Variants in BANK1 observed in about 807,000 individuals in gnomAD.
BANK1 encodes the protein B cell scaffold protein with ankyrin repeats 1, also known as B-cell scaffold protein with ankyrin repeats.
A neutral mutation model predicts 94.5 loss-of-function variants in BANK1; 95 were observed. The observed-to-expected ratio is 1.00, with a 90% CI of 0.85 to 1.19. The LOEUF (loss-of-function observed/expected upper bound fraction) is 1.19, where lower values mean the gene tolerates loss of function less well. Among genes scored for constraint, BANK1 ranks in the 50% most tolerant of loss-of-function variants. The pLI is 0.00. For missense variants in BANK1, 987 were observed against 932.2 expected, an observed-to-expected ratio of 1.06 and a Z score of -0.77; for synonymous variants, 334 against 308.4, an observed-to-expected ratio of 1.08 and a Z score of -0.87.
chr4:101,859,902 A>C (rs558363917), intron 3 of BANK1, among the ~76,000 whole-genome samples: 1 of 152,326 alleles, frequency 6.6e-6, no homozygotes, highest in Admixed American at 6.5e-5. Flanking sequence ...ACTAATCAGG[A>C]GTAGAGAGCA....
intron 4 of BANK1, among the ~76,000 whole-genome samples, chr4:101,863,409 C>G (rs1727955184): frequency 6.6e-6 from 1 of 151,892 alleles, no homozygotes; most frequent in African/African-American, 2.4e-5. Context: ...TAAATGTGAA[C>G]TTTATAAAAT....
At chr4:102,061,772 T>G (rs1197714212) in intron 12 of BANK1, 1 of 152,180 alleles carries the variant, frequency 6.6e-6, no homozygotes, top group Non-Finnish European at 1.5e-5. Context: ...AGGAAGAATT[T>G]AAGGTGCTTC....
intron 4 of BANK1, among the ~76,000 whole-genome samples, chr4:101,867,243 G>A (rs1053374273): frequency 2.0e-5 from 3 of 149,622 alleles, no homozygotes; most frequent in Non-Finnish European, 3.0e-5. Context: ...CAAGAAAATA[G>A]TGGAGTAAAA....
intron 7 of BANK1, among the ~76,000 whole-genome samples, chr4:102,017,167 AT>A (rs1456926108): frequency 6.6e-6 from 1 of 152,216 alleles, no homozygotes; most frequent in Non-Finnish European, 1.5e-5. Context: ...GGGTTCCATC[AT>A]TTTAAACGAA....
chr4:102,026,990 T>C (rs1727128087), intron 9 of BANK1, among the ~76,000 whole-genome samples: 1 of 152,152 alleles, frequency 6.6e-6, no homozygotes, highest in Non-Finnish European at 1.5e-5. Context: ...TCTGATTCAT[T>C]CATTCATTCA....
chr4:101,965,906 A>G (rs1724734255), intron 7 of BANK1, among the ~76,000 whole-genome samples: 1 of 152,088 alleles, frequency 6.6e-6, no homozygotes, highest in Admixed American at 6.6e-5. Context: ...TAGCCTTATG[A>G]TATTCAGGAA....
At chr4:101,870,809 A>T (rs1205745638) in intron 5 of BANK1, among the ~76,000 whole-genome samples, 165 bp downstream of exon 5, 2 of 151,824 alleles carry the variant, frequency 1.3e-5, no homozygotes, top group Non-Finnish European at 2.9e-5. Context: ...CAAAATGCAG[A>T]CAAATTACTT....
In BANK1 at chr4:102,007,571, C is replaced by T. The variant is rs550849050; in HGVS notation, c.1207-13943C>T. 5.4e-4 allele frequency among the ~76,000 whole-genome samples: 82 copies of T among 152,090 alleles called. No individual in the cohort carries two copies. The Middle Eastern group carries it at 0.01, about 19-fold the overall frequency. ...GAGTTTTAACTTTTCTGTCACAAAA[C>T]GTAGACAAATGTAAAAATAATATGT... On this transcript the variant is annotated intron_variant, in intron 7 of 16. Transcript: ENST00000322953.
chr4:101,872,330 T>C (rs1205439866), intron 5 of BANK1, among the ~76,000 whole-genome samples: 1 of 152,062 alleles, frequency 6.6e-6, no homozygotes, highest in Admixed American at 6.6e-5. Context: ...CCTAGAAGTA[T>C]TGTGGGATTA....
chr4:101,919,162 G>A (rs1273405051), intron 7 of BANK1, among the ~76,000 whole-genome samples: 1 of 151,922 alleles, frequency 6.6e-6, no homozygotes, highest in Non-Finnish European at 1.5e-5. Context: ...AAGTCAGTAA[G>A]TCAATTCAGC....
chr4:102,074,370 T>A lies in BANK1; in HGVS notation c.*371T>A, dbSNP rs1222001874. 6.6e-6 allele frequency: 1 copy of A among 152,062 alleles called. No homozygotes were observed. The highest frequency in any genetic ancestry group is 1.5e-5 in the Non-Finnish European group (1 of 67,902). 9.4% of individuals were successfully genotyped at this position (152,062 alleles called of 1,614,324 possible). On this transcript the variant is annotated 3_prime_UTR_variant, in exon 17 of 17. Transcript: ENST00000322953. ...CTTGAGGGCACTAACCTCAACAGAT[T>A]ATTCCTCCTCTCCTTAGAATAACCA...
intron 7 of BANK1, among the ~76,000 whole-genome samples, chr4:101,966,653 C>G (rs1326144236): frequency 1.3e-5 from 2 of 152,026 alleles, no homozygotes; most frequent in Non-Finnish European, 2.9e-5. Flanking sequence ...TATTGCTGCT[C>G]TCAGGCACAT....
intron 7 of BANK1, among the ~76,000 whole-genome samples, chr4:101,961,956 G>C (rs1724583999): frequency 6.6e-6 from 1 of 152,100 alleles, no homozygotes; most frequent in African/African-American, 2.4e-5. Context: ...CAGTCACCAG[G>C]AATAATTTCA....
At chr4:101,870,763 A>G in intron 5 of BANK1, 119 bp downstream of exon 5, 2 of 1,167,918 alleles carry the variant, frequency 1.7e-6, no homozygotes, top group Non-Finnish European at 2.3e-6. Flanking sequence ...AATTACTACC[A>G]ATCAATAGGA....
At chr4:101,936,294 C>T (rs796297794) in intron 7 of BANK1, among the ~76,000 whole-genome samples, 2 of 131,562 alleles carry the variant, frequency 1.5e-5, no homozygotes, top group Non-Finnish European at 3.4e-5. Flanking sequence ...CACATATATG[C>T]ACACATACAT....
chr4:101,944,154 C>T (rs952998395), intron 7 of BANK1, among the ~76,000 whole-genome samples: 18 of 151,466 alleles, frequency 1.2e-4, no homozygotes, highest in African/African-American at 4.4e-4. Context: ...GCCGGTTTTC[C>T]TTATAGTCAA....
intron 7 of BANK1, among the ~76,000 whole-genome samples, chr4:102,018,910 C>T (rs376726107): frequency 7.2e-4 from 109 of 151,410 alleles, no homozygotes; most frequent in Middle Eastern, 3.4e-3. Context: ...CCTCTGCCTC[C>T]GGGCTCAAGC....
chr4:101,906,451 T>G lies in BANK1; in HGVS notation c.1009+11041T>G, dbSNP rs570653360. Among the ~76,000 whole-genome samples the G allele has an allele frequency of 1.8e-4, 27 of 152,256 alleles. No individual in the cohort carries two copies. The South Asian group carries it at 5.4e-3, about 30-fold the overall frequency. On this transcript the variant is annotated intron_variant, in intron 6 of 16. Coordinates refer to ENST00000322953, the MANE Select transcript of BANK1 (RefSeq NM_017935.5). The stretch of plus-strand genomic sequence containing the variant: ...TAAGAGTGGTCGTTCAAGGCGCTGC[T>G]CAGTCACTGGGGCAACCACTTTTTG...
chr4:101,817,031 G>C (rs1309631068), intron 1 of BANK1, among the ~76,000 whole-genome samples: 1 of 152,112 alleles, frequency 6.6e-6, no homozygotes, highest in Non-Finnish European at 1.5e-5. Flanking sequence ...ACAGTGTAGT[G>C]TGCATTGCAG....
Sources: gnomAD v4.1 joint callset for allele counts (sites outside exome capture counted in the v4.1 genomes callset) on GRCh38, gnomAD v4.1.1 for gene constraint, MANE v1.5 for transcripts, NCBI Gene and HGNC (gene_info 2026-07-23, HGNC 2026-07-21) for gene names.